Variants in C1orf87 observed in about 807,000 individuals in gnomAD.
The protein encoded by C1orf87 is chromosome 1 open reading frame 87.
C1orf87 carries 58 observed loss-of-function variants against 60.5 expected under a neutral mutation model. The observed-to-expected ratio is 0.96, with a 90% CI of 0.78 to 1.19. The LOEUF (loss-of-function observed/expected upper bound fraction) is 1.19. C1orf87 is among the 50% of genes most tolerant of loss of function. The pLI is 0.00. For synonymous variants in C1orf87, 236 were observed against 227.4 expected, an observed-to-expected ratio of 1.04 and a Z score of -0.34; for missense variants, 673 against 638.6, an observed-to-expected ratio of 1.05 and a Z score of -0.58.
intron 10 of C1orf87, among the ~76,000 whole-genome samples, chr1:60,000,565 C>G (rs1280666972): frequency 6.6e-6 from 1 of 152,050 alleles, no homozygotes. Flanking sequence ...TACAACTTCT[C>G]CTGGCTAAAT....
intron 8 of C1orf87, among the ~76,000 whole-genome samples, chr1:60,013,005 A>G (rs1249551687): frequency 6.6e-6 from 1 of 151,994 alleles, no homozygotes; most frequent in Non-Finnish European, 1.5e-5. Flanking sequence ...ATTTGTAATT[A>G]ATTTTCTCTT....
intron 6 of C1orf87, among the ~76,000 whole-genome samples, chr1:60,034,702 T>G (rs900283335): frequency 6.6e-6 from 1 of 152,162 alleles, no homozygotes; most frequent in African/African-American, 2.4e-5. Context: ...ACCCCTGATT[T>G]ATATACTTAT....
intron 3 of C1orf87, among the ~76,000 whole-genome samples, chr1:60,045,423 A>C (rs1351683432): frequency 6.6e-6 from 1 of 152,186 alleles, no homozygotes; most frequent in Non-Finnish European, 1.5e-5. Flanking sequence ...TAATCATTTG[A>C]CTATTTTACT....
chr1:60,000,085 T>C (rs1038201910), intron 10 of C1orf87, among the ~76,000 whole-genome samples: 24 of 152,144 alleles, frequency 1.6e-4, no homozygotes, highest in Admixed American at 6.6e-5. Context: ...TAATGTATCC[T>C]TGAGGTCTGG....
At chr1:60,072,408 A>T in intron 2 of C1orf87, 129 bp downstream of exon 2, 1 of 633,792 alleles carries the variant, frequency 1.6e-6, no homozygotes, top group Non-Finnish European at 2.7e-6. Context: ...TTTTACCTCT[A>T]CTGTTGCATC....
At chr1:60,005,322 G>A (rs1310091370) in intron 9 of C1orf87, among the ~76,000 whole-genome samples, 4 of 152,036 alleles carry the variant, frequency 2.6e-5, no homozygotes, top group African/African-American at 4.8e-5. Flanking sequence ...ACATTTAAGT[G>A]CTTACTATAT....
chr1:60,010,758 G>C (rs966322905), intron 8 of C1orf87: 10 of 213,230 alleles, frequency 4.7e-5, no homozygotes, highest in African/African-American at 6.9e-5. Flanking sequence ...GTTTCCCCTA[G>C]CTATGAAGTT....
intron 2 of C1orf87, 85 bp from the exon 3 acceptor site, chr1:60,055,523 G>A (rs183413096): frequency 8.1e-7 from 1 of 1,228,872 alleles, no homozygotes; most frequent in East Asian, 2.4e-5. Flanking sequence ...GGTGTGTTTG[G>A]TGTTGTGAAC....
At chr1:60,021,621 C>G (rs1178744342) in intron 8 of C1orf87, among the ~76,000 whole-genome samples, 1 of 152,136 alleles carries the variant, frequency 6.6e-6, no homozygotes. Flanking sequence ...TATTGAGAAC[C>G]TACTATGTGC....
intron 8 of C1orf87, among the ~76,000 whole-genome samples, chr1:60,021,898 A>T (rs1329222324): frequency 6.6e-6 from 1 of 152,196 alleles, no homozygotes; most frequent in Non-Finnish European, 1.5e-5. Flanking sequence ...TATTTGAGCA[A>T]AAACTTGAAG....
chr1:60,041,077 A>G lies in C1orf87; in HGVS notation c.397T>C (p.Leu133=), dbSNP rs1357303739. Residue 133 remains leucine (L), a synonymous_variant, in exon 4 of 12, where the codon TTA becomes CTA. Transcript: ENST00000371201. ...CTGGGAATGCCATGCACATAGGATA[A>G]GGACTGGTCTCCGGTTGGTACAGAG... ...CSSVPTGDQS[L]SYVHGIPRRK... is the part of the protein sequence containing the mutation. 1.9e-6 allele frequency: 3 copies of G among 1,612,978 alleles called. No homozygotes were observed. The highest frequency in any genetic ancestry group is 1.7e-6 in the Non-Finnish European group (2 of 1,179,130).
At chr1:60,065,855 A>G (rs1387988703) in intron 2 of C1orf87, among the ~76,000 whole-genome samples, 1 of 152,160 alleles carries the variant, frequency 6.6e-6, no homozygotes, top group Non-Finnish European at 1.5e-5. Context: ...TGCAAATTAC[A>G]GGTATACCTC....
In C1orf87 at chr1:60,001,157, C is replaced by G. The variant is rs764456068; in HGVS notation, c.1193-1G>C. On this transcript the variant is annotated splice_acceptor_variant, in intron 9 of 11. Coordinates refer to ENST00000371201, the MANE Select transcript of C1orf87 (RefSeq NM_152377.3). LOFTEE classifies it high-confidence loss of function. ...GCAGGGGCTTTCTTTTCATTCTTCCCTGAACAAGAATAAAAAAAAAAAAAG... is the reference window on the plus strand; with the variant it reads ...GCAGGGGCTTTCTTTTCATTCTTCCGTGAACAAGAATAAAAAAAAAAAAAG... 6.4e-7 allele frequency: 1 copy of G among 1,562,720 alleles called. No individual in the cohort carries two copies. The highest frequency in any genetic ancestry group is 1.2e-5 in the South Asian group (1 of 83,882).
At chr1:60,014,071 C>T (rs1260860755) in intron 8 of C1orf87, among the ~76,000 whole-genome samples, 2 of 152,146 alleles carry the variant, frequency 1.3e-5, no homozygotes, top group East Asian at 1.9e-4. Context: ...TACCACCTTG[C>T]TTACTTCAAC....
At chr1:60,017,567 GCC>G (rs1645132504) in intron 8 of C1orf87, among the ~76,000 whole-genome samples, 1 of 152,058 alleles carries the variant, frequency 6.6e-6, no homozygotes, top group African/African-American at 2.4e-5. Flanking sequence ...ATTTAATTTT[GCC>G]AATACAATTT....
intron 9 of C1orf87, among the ~76,000 whole-genome samples, chr1:60,003,552 G>C (rs914989325): frequency 6.6e-6 from 1 of 152,030 alleles, no homozygotes; most frequent in African/African-American, 2.4e-5. Context: ...TTAACTAATA[G>C]TGTTATCTAG....
At chr1:60,065,018 T>TATATATAAA (rs367622029) in intron 2 of C1orf87, among the ~76,000 whole-genome samples, 1 of 20,540 alleles carries the variant, frequency 4.9e-5, no homozygotes, top group Non-Finnish European at 1.3e-4. Flanking sequence ...ATATATTAAA[T>TATATATAAA]ATATATATTT....
chr1:60,012,129 A>G (rs550518729), intron 8 of C1orf87, among the ~76,000 whole-genome samples: 2 of 152,070 alleles, frequency 1.3e-5, no homozygotes, highest in East Asian at 3.9e-4. Context: ...TTTCCAGACT[A>G]TTTTAAGAAG....
chr1:60,065,277 G>C (rs1315704071), intron 2 of C1orf87, among the ~76,000 whole-genome samples: 1 of 151,226 alleles, frequency 6.6e-6, no homozygotes, highest in African/African-American at 2.4e-5. Context: ...TCTTTTTCTT[G>C]AGCAGGGGAG....
Sources: allele counts gnomAD v4.1 joint callset (sites outside exome capture counted in the v4.1 genomes callset), GRCh38; gene constraint gnomAD v4.1.1; transcripts MANE v1.5; gene names NCBI Gene and HGNC (gene_info 2026-07-23, HGNC 2026-07-21).